Variants in WDR1 observed in about 807,000 individuals in gnomAD.
WDR1 encodes WD repeat domain 1, also known as WD repeat-containing protein 1.
A neutral mutation model predicts 71.9 loss-of-function variants in WDR1; 21 were observed. The observed-to-expected ratio is 0.29, with a 90% CI of 0.21 to 0.42. The LOEUF (loss-of-function observed/expected upper bound fraction) is 0.42, where lower values mean the gene tolerates loss of function less well. WDR1 is among the 10% of genes least tolerant of loss of function. The pLI is 1.00. For missense variants in WDR1, 696 were observed against 824.5 expected, an observed-to-expected ratio of 0.84 and a Z score of 1.91; for synonymous variants, 424 against 347.4, an observed-to-expected ratio of 1.22 and a Z score of -2.45.
chr4:10,076,571 G>C (rs1764803971), intron 14 of WDR1: 1 of 152,324 alleles, frequency 6.6e-6, no homozygotes, highest in South Asian at 2.1e-4. Context: ...AACCTGCTTT[G>C]TCTCTCCTCC....
intron 2 of WDR1, among the ~76,000 whole-genome samples, chr4:10,109,100 C>T (rs1374258900): frequency 6.6e-6 from 1 of 152,246 alleles, no homozygotes; most frequent in South Asian, 2.1e-4. Context: ...TGGGTGGGCC[C>T]CTCAGTGGAT....
At chr4:10,112,698 A>G (rs1452691954) in intron 2 of WDR1, among the ~76,000 whole-genome samples, 1 of 152,258 alleles carries the variant, frequency 6.6e-6, no homozygotes, top group Non-Finnish European at 1.5e-5. Flanking sequence ...ATCTACACTG[A>G]GCTGAGCTTT....
At chr4:10,088,422 G>A (rs2109657752) in intron 6 of WDR1, 49 bp from the exon 7 acceptor site, 1 of 1,511,980 alleles carries the variant, frequency 6.6e-7, no homozygotes, top group East Asian at 2.5e-5. Flanking sequence ...AACACCCTCT[G>A]GAGTAAGCAG....
intron 1 of WDR1, 151 bp from the exon 2 acceptor site, chr4:10,116,385 G>A: frequency 1.7e-6 from 2 of 1,200,514 alleles, no homozygotes; most frequent in South Asian, 1.5e-5. Flanking sequence ...CAGGAACCGC[G>A]CGACTTCCTG....
At chr4:10,109,439 A>G (rs2108803143) in intron 2 of WDR1, among the ~76,000 whole-genome samples, 1 of 152,288 alleles carries the variant, frequency 6.6e-6, no homozygotes, top group African/African-American at 2.4e-5. Flanking sequence ...TGTTAGTGTG[A>G]TTCTTTAATA....
chr4:10,081,110 G>T (rs997141076), intron 11 of WDR1, among the ~76,000 whole-genome samples: 1 of 152,222 alleles, frequency 6.6e-6, no homozygotes, highest in Non-Finnish European at 1.5e-5. Flanking sequence ...ACAAATCCCA[G>T]CTCTGCCCTC....
rs1269059550 is a variant in WDR1 at position 10,075,482 on chromosome 4, C to G, written c.1717G>C (p.Ala573Pro). The G allele has an allele frequency of 6.2e-7, 1 of 1,613,750 alleles. No homozygotes were observed. Among genetic ancestry groups the G allele is most frequent in the Non-Finnish European group, 8.5e-7 (1 of 1,179,790 alleles). The change falls in exon 15 of 15, where the codon GCA (alanine) becomes CCA (proline). Residue 573 changes from alanine to proline, a missense_variant and splice_region_variant. By Grantham distance (27) the Ala-to-Pro change is conservative. Coordinates refer to ENST00000499869, the MANE Select transcript of WDR1 (RefSeq NM_017491.5). ...CTGCTGACATGGTGCAGCCGGTGTG[C>G]ATCTGGGAAGAAAGGGTGCAATTTA... is the stretch of plus-strand genomic sequence containing the variant. ...DPETRVKIQD[A>P]HRLHHVSSLA...
At chr4:10,092,319 C>T (rs554872181) in intron 5 of WDR1, 11 of 152,418 alleles carry the variant, frequency 7.2e-5, no homozygotes, top group South Asian at 2.1e-4. Context: ...GGAAACTAAT[C>T]AGCCACTGTT....
Position 10,097,764 on chromosome 4 carries a change from T to C in WDR1, c.505A>G (p.Asn169Asp). ...PYRLATGSDD[N>D]CAAFFEGPPF... ...GGTCCCTCAAAGAATGCCGCGCAGTTATCATCGCTTCCCGTGGCCAGCCGG... is the reference window on the plus strand; with the variant it reads ...GGTCCCTCAAAGAATGCCGCGCAGTCATCATCGCTTCCCGTGGCCAGCCGG... The change falls in exon 5 of 15, where the codon AAC (asparagine) becomes GAC (aspartate). Residue 169 changes from asparagine to aspartate, a missense_variant. Transcript: ENST00000499869. 3 of 1,613,774 alleles carry C rather than the reference T, an allele frequency of 1.9e-6. No individual in the cohort carries two copies. Among genetic ancestry groups the C allele is most frequent in the Non-Finnish European group, 2.5e-6 (3 of 1,179,792 alleles).
chr4:10,085,114 CA>C (rs991142498), intron 8 of WDR1, among the ~76,000 whole-genome samples: 1 of 152,230 alleles, frequency 6.6e-6, no homozygotes, highest in African/African-American at 2.4e-5. Flanking sequence ...GGCTGGTCCA[CA>C]ACCAGACAGC....
chr4:10,088,487 T>C (rs1412907419), intron 6 of WDR1, 114 bp from the exon 7 acceptor site: 2 of 1,229,452 alleles, frequency 1.6e-6, no homozygotes, highest in South Asian at 2.6e-5. Flanking sequence ...AAGCTCCCAG[T>C]GTGGTTTAAA....
At chr4:10,075,559 G>T in intron 14 of WDR1, 75 bp from the exon 15 acceptor site, 6 of 1,365,136 alleles carry the variant, frequency 4.4e-6, no homozygotes, top group Non-Finnish European at 5.1e-6. Flanking sequence ...TAGGAAGATG[G>T]AACAACCTGT....
intron 5 of WDR1, 69 bp downstream of exon 5, chr4:10,097,642 A>C (rs1347911383): frequency 6.5e-7 from 1 of 1,527,542 alleles, no homozygotes; most frequent in African/African-American, 1.4e-5. Flanking sequence ...ATCAGCATCT[A>C]AACAGGCTCA....
chr4:10,091,367 C>T (rs1379615300), intron 5 of WDR1, among the ~76,000 whole-genome samples: 1 of 152,236 alleles, frequency 6.6e-6, no homozygotes, highest in African/African-American at 2.4e-5. Flanking sequence ...AGGCCCGATC[C>T]ACTCAGCTGC....
At chr4:10,100,896 A>C (rs545269864) in intron 3 of WDR1, among the ~76,000 whole-genome samples, 1 of 152,352 alleles carries the variant, frequency 6.6e-6, no homozygotes, top group East Asian at 1.9e-4. Context: ...ACATGTCCAC[A>C]CATGCACATG....
In WDR1 at chr4:10,077,615, G is replaced by A. The variant is rs919447189; in HGVS notation, c.1569+138C>T. ...CACTGACTCCTCAGAAGCATGGCAC[G>A]AGGCACCTGCTACTTGTAGAGGCAA... On this transcript the variant is annotated intron_variant, in intron 13 of 14. Transcript: ENST00000499869. 5 of 1,444,174 alleles carry A rather than the reference G, an allele frequency of 3.5e-6. No individual in the cohort carries two copies. The South Asian group carries it at 4.1e-5, about 12-fold the overall frequency. The allele number at this position is 1,444,174 out of a possible 1,614,324, so 89.5% of individuals were successfully genotyped here.
chr4:10,097,825 G>A lies in WDR1; in HGVS notation c.444C>T (p.Val148=). The A allele has an allele frequency of 6.2e-7, 1 of 1,612,242 alleles. No homozygotes were observed. Among genetic ancestry groups the A allele is most frequent in the South Asian group, 1.1e-5 (1 of 91,020 alleles). Residue 148 remains valine (V), a synonymous_variant, in exon 5 of 15, where the codon GTC becomes GTT. Coordinates refer to ENST00000499869, the MANE Select transcript of WDR1 (RefSeq NM_017491.5). ...SVGEITGHNK[V]INSVDIKQSR... is the part of the protein sequence containing the mutation. ...TCTGCTTGATGTCCACGCTGTTGATGACTTTGTTGTGTCCTGTAATCTCGC... is the reference window on the plus strand; with the variant it reads ...TCTGCTTGATGTCCACGCTGTTGATAACTTTGTTGTGTCCTGTAATCTCGC...
At chr4:10,097,207 C>A (rs1283282273) in intron 5 of WDR1, among the ~76,000 whole-genome samples, 3 of 152,278 alleles carry the variant, frequency 2.0e-5, no homozygotes, top group Non-Finnish European at 4.4e-5. Context: ...ACACCCAAAG[C>A]CTGCCGCATT....
At chr4:10,116,618 G>C in intron 1 of WDR1, 33 bp downstream of exon 1, 1 of 1,212,930 alleles carries the variant, frequency 8.2e-7, no homozygotes, top group South Asian at 3.5e-5. Context: ...GCAGCGCGGC[G>C]GCCGCTCGGG....
Sources: allele counts gnomAD v4.1 joint callset (sites outside exome capture counted in the v4.1 genomes callset), GRCh38; gene constraint gnomAD v4.1.1; transcripts MANE v1.5; gene names NCBI Gene and HGNC (gene_info 2026-07-23, HGNC 2026-07-21).